The following GPATCH2L variants were observed in gnomAD, a reference collection of about 807,000 sequenced individuals.
GPATCH2L encodes G-patch domain containing 2 like.
GPATCH2L carries 31 observed loss-of-function variants against 57.4 expected under a neutral mutation model. That is an observed-to-expected ratio of 0.54 (90% CI 0.41 to 0.73). The LOEUF is 0.73. GPATCH2L is among the 30% of genes least tolerant of loss of function. GPATCH2L has a pLI of 0.00. For synonymous variants in GPATCH2L, 199 were observed against 210.7 expected, an observed-to-expected ratio of 0.94 and a Z score of 0.48; for missense variants, 481 against 599.9, an observed-to-expected ratio of 0.80 and a Z score of 2.07.
chr14:76,205,153 A>C lies in GPATCH2L; in HGVS notation c.*3302A>C, dbSNP rs1019788444. The C allele has an allele frequency of 6.6e-6, 1 of 152,218 alleles. No homozygotes were observed. Among genetic ancestry groups the C allele is most frequent in the African/African-American group, 2.4e-5 (1 of 41,394 alleles). 9.4% of individuals were successfully genotyped at this position (152,218 alleles called of 1,614,324 possible). A position where few individuals can be genotyped will look rare whatever the true frequency, so the allele number is the denominator to read the frequency against. The stretch of plus-strand genomic sequence containing the variant: ...CCTGGCTAATTTTTTAAGTTTTTGG[A>C]GAGATGGGGTCTTGCTCTGTTGCCT... On this transcript the variant is annotated 3_prime_UTR_variant, in exon 10 of 10. Coordinates refer to ENST00000261530, the MANE Select transcript of GPATCH2L (RefSeq NM_017926.4).
rs2040444891 is a variant in GPATCH2L, at chr14:76,211,942, C to T, written c.*10091C>T. ...AGCATTTTAAATTAGGCGATGCAGT[C>T]TAGCTTTTGTACATAGAAATAAGAA... On this transcript the variant is annotated 3_prime_UTR_variant, in exon 10 of 10. Coordinates refer to ENST00000261530, the MANE Select transcript of GPATCH2L (RefSeq NM_017926.4). 6.6e-6 allele frequency: 1 copy of T among 151,946 alleles called. No individual in the cohort carries two copies. Among genetic ancestry groups the T allele is most frequent in the Admixed American group, 6.6e-5 (1 of 15,238 alleles). The allele number at this position is 151,946 out of a possible 1,614,324, so 9.4% of individuals were successfully genotyped here.
downstream of GPATCH2L, among the ~76,000 whole-genome samples, chr14:76,216,594 T>C (rs1387440258): frequency 6.6e-6 from 1 of 152,184 alleles, no homozygotes; most frequent in African/African-American, 2.4e-5. Context: ...ATTTAATAAG[T>C]AGTTTAAAAT....
intron 3 of GPATCH2L, chr14:76,170,829 C>G (rs2039050487): frequency 6.6e-6 from 1 of 152,062 alleles, no homozygotes; most frequent in Non-Finnish European, 1.5e-5. Context: ...TAATAAAGAT[C>G]TCAGGCTTTT....
intron 2 of GPATCH2L, among the ~76,000 whole-genome samples, chr14:76,156,336 G>A (rs2038305658): frequency 6.6e-6 from 1 of 152,188 alleles, no homozygotes; most frequent in Admixed American, 6.5e-5. Context: ...AGGAAAAACT[G>A]TTTAGGTCTG....
At chr14:76,220,055 G>A (rs185530099) in intron 1 of GPATCH2L, among the ~76,000 whole-genome samples, 2 of 152,166 alleles carry the variant, frequency 1.3e-5, no homozygotes, top group Admixed American at 1.3e-4. Context: ...ACGTTGTCAG[G>A]GTTTGACACA....
chr14:76,187,414 G>C (rs1422581153), intron 8 of GPATCH2L, among the ~76,000 whole-genome samples: 2 of 151,826 alleles, frequency 1.3e-5, no homozygotes, highest in African/African-American at 4.8e-5. Context: ...ATACATTTTT[G>C]TTAAAAATAA....
intron 7 of GPATCH2L, 181 bp downstream of exon 7, chr14:76,178,223 T>C (rs2039417771): frequency 4.0e-6 from 6 of 1,509,680 alleles, no homozygotes; most frequent in Non-Finnish European, 5.3e-6. Flanking sequence ...AACTTTGCAG[T>C]AAGAAAGCAG....
chr14:76,223,000 A>G (rs1421768193), intron 1 of GPATCH2L, among the ~76,000 whole-genome samples: 2 of 152,036 alleles, frequency 1.3e-5, no homozygotes, highest in African/African-American at 4.8e-5. Context: ...ATCTGTAACT[A>G]TAACTTTCCC....
chr14:76,199,913 A>C (rs2360981), intron 9 of GPATCH2L, among the ~76,000 whole-genome samples: 34,115 of 152,200 alleles, frequency 0.22, 4,527 homozygotes, highest in African/African-American at 0.37. Context: ...GTGGAAACAA[A>C]TCACATGTCC....
Position 76,213,985 on chromosome 14 carries a change from T to A in GPATCH2L, c.*12134T>A, listed in dbSNP as rs568225670. ...TGTGCATGGTACCACACTGTTTTAA[T>A]TATAGAGACTTTATAGTATGTTTTA... On this transcript the variant is annotated 3_prime_UTR_variant, in exon 10 of 10. Coordinates refer to ENST00000261530, the MANE Select transcript of GPATCH2L (RefSeq NM_017926.4). 6 of 152,318 alleles carry A rather than the reference T, an allele frequency of 3.9e-5. No individual in the cohort carries two copies. Among genetic ancestry groups the A allele is most frequent in the African/African-American group, 4.8e-5 (2 of 41,572 alleles). The allele number at this position is 152,318 out of a possible 1,614,324, so 9.4% of individuals were successfully genotyped here. A position where few individuals can be genotyped will look rare whatever the true frequency, so the allele number is the denominator to read the frequency against.
intron 2 of GPATCH2L, among the ~76,000 whole-genome samples, chr14:76,164,907 G>A (rs2038759087): frequency 1.3e-5 from 2 of 152,220 alleles, no homozygotes; most frequent in Admixed American, 1.3e-4. Flanking sequence ...TACCTAGGGT[G>A]CCTCTGCTTT....
intron 2 of GPATCH2L, among the ~76,000 whole-genome samples, chr14:76,231,710 TAC>T (rs1390696112): frequency 6.6e-6 from 1 of 151,860 alleles, no homozygotes; most frequent in Non-Finnish European, 1.5e-5. Flanking sequence ...TTGAAAAATA[TAC>T]AGAAGTAGAA....
chr14:76,226,818 G>T (rs2040538324), intron 1 of GPATCH2L, among the ~76,000 whole-genome samples: 1 of 152,164 alleles, frequency 6.6e-6, no homozygotes, highest in South Asian at 2.1e-4. Flanking sequence ...AGTCTCAGGT[G>T]TTCTGTTATA....
intron 8 of GPATCH2L, among the ~76,000 whole-genome samples, chr14:76,184,652 G>A (rs1594964631): frequency 6.6e-6 from 1 of 152,202 alleles, no homozygotes; most frequent in African/African-American, 2.4e-5. Flanking sequence ...TGCAGTGGAT[G>A]GGAGGGAGAG....
intron 2 of GPATCH2L, among the ~76,000 whole-genome samples, chr14:76,232,044 T>C (rs1348859530): frequency 7.3e-4 from 2 of 2,732 alleles, no homozygotes; most frequent in East Asian, 0.021. Context: ...TCCAAGTAGC[T>C]GGGACTATAG....
chr14:76,214,652 G>A (rs1246788858), downstream of GPATCH2L, among the ~76,000 whole-genome samples: 1 of 151,948 alleles, frequency 6.6e-6, no homozygotes, highest in African/African-American at 2.4e-5. Context: ...CAATCACTAG[G>A]GCTCCACCCT....
intron 8 of GPATCH2L, among the ~76,000 whole-genome samples, chr14:76,183,727 C>T (rs950305241): frequency 2.0e-5 from 3 of 152,118 alleles, no homozygotes; most frequent in Non-Finnish European, 2.9e-5. Context: ...GTAATCGTTC[C>T]TCCCCAGCAA....
At chr14:76,181,174 C>A (rs1280631092) in intron 8 of GPATCH2L, among the ~76,000 whole-genome samples, 1 of 152,234 alleles carries the variant, frequency 6.6e-6, no homozygotes, top group South Asian at 2.1e-4. Context: ...CCTGCATAAT[C>A]TGACTTCTCC....
intron 9 of GPATCH2L, among the ~76,000 whole-genome samples, chr14:76,196,837 A>G (rs1017844261): frequency 2.0e-5 from 3 of 152,144 alleles, no homozygotes; most frequent in Non-Finnish European, 4.4e-5. Flanking sequence ...AGGGAGCCCT[A>G]TCCTCTACCT....
Sources: allele counts gnomAD v4.1 joint callset (sites outside exome capture counted in the v4.1 genomes callset), GRCh38; gene constraint gnomAD v4.1.1; transcripts MANE v1.5; gene names NCBI Gene and HGNC (gene_info 2026-07-23, HGNC 2026-07-21).